RPL26L1: variants seen among roughly 807,000 people sequenced by gnomAD.
RPL26L1 encodes ribosomal protein L26 like 1.
A neutral mutation model predicts 15.2 loss-of-function variants in RPL26L1; 8 were observed. The observed-to-expected ratio is 0.53, with a 90% CI of 0.31 to 0.95. RPL26L1 has a LOEUF of 0.95. Among genes scored for constraint, RPL26L1 ranks in the 40% least tolerant of loss-of-function variants. The probability of loss-of-function intolerance (pLI) is 0.05; values close to 1 mark genes in which losing one functional copy is unlikely to be tolerated. For synonymous variants in RPL26L1, 51 were observed against 65.9 expected, an observed-to-expected ratio of 0.77 and a Z score of 1.09; for missense variants, 146 against 190.9, an observed-to-expected ratio of 0.76 and a Z score of 1.39.
chr5:172,962,765 A>G (rs1418281163), intron 2 of RPL26L1, among the ~76,000 whole-genome samples: 1 of 145,992 alleles, frequency 6.8e-6, no homozygotes, highest in Non-Finnish European at 1.5e-5. Flanking sequence ...CCAATGAGCC[A>G]AGATCATGCC....
In RPL26L1 at chr5:172,969,607, C is replaced by G. The variant is rs368098065; in HGVS notation, c.*66C>G. ...GAGGCTAGGGTGTGTTTCTTTCGAA[C>G]TTTTCGGAATGTCTGGAACATTTCA... is the stretch of plus-strand genomic sequence containing the variant. On this transcript the variant is annotated 3_prime_UTR_variant, in exon 4 of 4. Coordinates refer to ENST00000265100, the MANE Select transcript of RPL26L1 (RefSeq NM_016093.4). 2 of 1,499,982 alleles carry G rather than the reference C, an allele frequency of 1.3e-6. No homozygotes were observed. Among genetic ancestry groups the G allele is most frequent in the Admixed American group, 3.9e-5 (2 of 51,026 alleles). The allele number at this position is 1,499,982 out of a possible 1,614,324, so 92.9% of individuals were successfully genotyped here. A position where few individuals can be genotyped will look rare whatever the true frequency, so the allele number is the denominator to read the frequency against.
chr5:172,968,744 G>T, intron 3 of RPL26L1, 145 bp downstream of exon 3: 1 of 683,936 alleles, frequency 1.5e-6, no homozygotes, highest in East Asian at 3.8e-5. Context: ...ATATCATCAA[G>T]GATCCAGATT....
At chr5:172,962,019 C>T (rs946136163) in intron 2 of RPL26L1, among the ~76,000 whole-genome samples, 1 of 152,216 alleles carries the variant, frequency 6.6e-6, no homozygotes, top group Non-Finnish European at 1.5e-5. Context: ...GCTGCATATG[C>T]CCCTAAACCT....
At chr5:172,966,363 T>C (rs1755453082) in intron 2 of RPL26L1, among the ~76,000 whole-genome samples, 2 of 145,452 alleles carry the variant, frequency 1.4e-5, no homozygotes, top group Non-Finnish European at 3.0e-5. Context: ...GGTCTTGCTA[T>C]GTTGCCTCGG....
chr5:172,959,901 G>A lies in RPL26L1; in HGVS notation c.28G>A (p.Asp10Asn). 2 of 1,614,098 alleles carry A rather than the reference G, an allele frequency of 1.2e-6. No individual in the cohort carries two copies. The highest frequency in any genetic ancestry group is 2.2e-5 in the South Asian group (2 of 91,068). The change falls in exon 2 of 4, where the codon GAC (aspartate) becomes AAC (asparagine). Residue 10 changes from aspartate to asparagine, a missense_variant. Asp to Asn is a conservative substitution (Grantham distance 23). Coordinates refer to ENST00000265100, the MANE Select transcript of RPL26L1 (RefSeq NM_016093.4). MKFNPFVTS[D>N]RSKNRKRHFN... ...GAAGTTCAATCCCTTCGTTACCTCG[G>A]ACCGCAGTAAAAACCGCAAACGTCA...
rs559560261 is a variant in RPL26L1 at position 172,969,694 on chromosome 5, A to T, written c.*153A>T. 1 of 649,168 alleles carries T rather than the reference A, an allele frequency of 1.5e-6. No homozygotes were observed. The highest frequency in any genetic ancestry group is 2.5e-6 in the Non-Finnish European group (1 of 399,560). 40.2% of individuals were successfully genotyped at this position (649,168 alleles called of 1,614,324 possible). On this transcript the variant is annotated 3_prime_UTR_variant, in exon 4 of 4. Transcript: ENST00000265100. ...TTTTGCAATTTTAAGTAATAATTTTATGAATAAAAATGGGAAATGCTTCCT... is the reference window on the plus strand; with the variant it reads ...TTTTGCAATTTTAAGTAATAATTTTTTGAATAAAAATGGGAAATGCTTCCT...
At chr5:172,969,197 A>T (rs1028509592) in intron 3 of RPL26L1, among the ~76,000 whole-genome samples, 15 of 152,078 alleles carry the variant, frequency 9.9e-5, no homozygotes, top group Non-Finnish European at 1.9e-4. Context: ...AATAAGAGAG[A>T]ATATATCTTC....
At chr5:172,957,559 GAATGAC>G (rs1755016057), upstream of RPL26L1, 2 of 282,620 alleles carry the variant, frequency 7.1e-6, no homozygotes, top group African/African-American at 4.5e-5. Context: ...ATAAGTGGGT[GAATGAC>G]AATAAATGGA....
intron 1 of RPL26L1, 35 bp from the exon 2 acceptor site, chr5:172,959,830 C>T: frequency 1.2e-6 from 2 of 1,605,780 alleles, no homozygotes; most frequent in Admixed American, 3.3e-5. Flanking sequence ...ACCCACTGAG[C>T]GCCCCTTCAT....
At chr5:172,967,588 A>G (rs1313826595) in intron 2 of RPL26L1, among the ~76,000 whole-genome samples, 1 of 152,132 alleles carries the variant, frequency 6.6e-6, no homozygotes, top group Non-Finnish European at 1.5e-5. Context: ...TTTTTTTCTG[A>G]CTTTAAAATA....
chr5:172,956,367 AAAT>A (rs1310727596), upstream of RPL26L1, among the ~76,000 whole-genome samples: 1 of 152,206 alleles, frequency 6.6e-6, no homozygotes, highest in African/African-American at 2.4e-5. Context: ...GCTGCAAGAT[AAAT>A]AATAACCATA....
chr5:172,966,534 T>C (rs1024998350), intron 2 of RPL26L1, among the ~76,000 whole-genome samples: 1 of 151,828 alleles, frequency 6.6e-6, no homozygotes, highest in African/African-American at 2.4e-5. Context: ...AAGGCCAAGG[T>C]GGGTGGATCT....
upstream of RPL26L1, chr5:172,956,897 C>T (rs1026701871): frequency 9.1e-6 from 2 of 219,476 alleles, no homozygotes; most frequent in Non-Finnish European, 1.9e-5. Context: ...AAAACTGCAC[C>T]ACTGCACTCC....
upstream of RPL26L1, chr5:172,954,775 T>C (rs1764318756): frequency 2.7e-6 from 1 of 376,748 alleles, no homozygotes. Context: ...TACGTTGGCA[T>C]ACAACATTTA....
At chr5:172,962,536 G>A (rs1412075377) in intron 2 of RPL26L1, among the ~76,000 whole-genome samples, 2 of 148,278 alleles carry the variant, frequency 1.3e-5, no homozygotes, top group African/African-American at 5.0e-5. Flanking sequence ...AACAAAAAAC[G>A]GCCAGGCACA....
intron 2 of RPL26L1, among the ~76,000 whole-genome samples, chr5:172,964,547 A>G (rs960412691): frequency 2.0e-5 from 3 of 151,880 alleles, no homozygotes; most frequent in Admixed American, 6.6e-5. Flanking sequence ...CAGCCTCCCC[A>G]AGTGCTGGGA....
chr5:172,954,348 G>T (rs533644662), upstream of RPL26L1, among the ~76,000 whole-genome samples: 1 of 152,012 alleles, frequency 6.6e-6, no homozygotes. Flanking sequence ...TGAGAGGATT[G>T]CTTGAGCCCA....
upstream of RPL26L1, chr5:172,956,114 A>G (rs1187430266): frequency 6.6e-6 from 1 of 152,236 alleles, no homozygotes; most frequent in African/African-American, 2.4e-5. Context: ...TAATTACACA[A>G]ATAACACAGG....
At chr5:172,968,776 T>G (rs1755570873) in intron 3 of RPL26L1, among the ~76,000 whole-genome samples, 177 bp downstream of exon 3, 1 of 151,430 alleles carries the variant, frequency 6.6e-6, no homozygotes, top group Non-Finnish European at 1.5e-5. Flanking sequence ...CTCTTTTCTG[T>G]TTTGCCTTTC....
Sources: gnomAD v4.1 joint callset for allele counts (sites outside exome capture counted in the v4.1 genomes callset) on GRCh38, gnomAD v4.1.1 for gene constraint, MANE v1.5 for transcripts, NCBI Gene and HGNC (gene_info 2026-07-23, HGNC 2026-07-21) for gene names.